DLGAP1: variants seen among roughly 807,000 people sequenced by gnomAD.
The protein encoded by DLGAP1 is DLG associated protein 1, also known as disks large-associated protein 1.
DLGAP1 carries 11 observed loss-of-function variants against 90.8 expected under a neutral mutation model. The ratio of observed to expected loss-of-function variants is 0.12; its 90% CI spans 0.08 to 0.20. The LOEUF is 0.20. Ranked by LOEUF, DLGAP1 falls within the 10% of genes least tolerant of loss-of-function variation. The probability of loss-of-function intolerance (pLI) is 1.00; values close to 1 mark genes in which losing one functional copy is unlikely to be tolerated. For missense variants in DLGAP1, 1,050 were observed against 1,333.8 expected (o/e 0.79, Z 3.31); for synonymous variants, 558 against 540.7 (o/e 1.03, Z -0.44).
At chr18:3,812,329 G>A (rs1307180901) in intron 5 of DLGAP1, among the ~76,000 whole-genome samples, 1 of 151,652 alleles carries the variant, frequency 6.6e-6, no homozygotes, top group East Asian at 1.9e-4. Context: ...TGCTAGGCGC[G>A]CCAAAGTGCA....
intron 2 of DLGAP1, among the ~76,000 whole-genome samples, chr18:4,132,374 TATTA>T (rs1285816716): frequency 6.6e-6 from 1 of 152,142 alleles, no homozygotes; most frequent in Non-Finnish European, 1.5e-5. Flanking sequence ...ATAAAACGCT[TATTA>T]ATTGAGTGAA....
At chr18:4,264,096 A>G (rs957209100) in intron 1 of DLGAP1, among the ~76,000 whole-genome samples, 2 of 152,244 alleles carry the variant, frequency 1.3e-5, no homozygotes, top group Non-Finnish European at 2.9e-5. Flanking sequence ...AAAATCAATT[A>G]TAAAATGGAA....
chr18:3,983,863 C>T (rs953998256), intron 3 of DLGAP1: 4 of 152,156 alleles, frequency 2.6e-5, no homozygotes, highest in Non-Finnish European at 2.9e-5. Flanking sequence ...TAGGCAAGTT[C>T]TTAGACAACA....
At chr18:3,551,709 TCCCTC>T (rs2053463405) in intron 9 of DLGAP1, among the ~76,000 whole-genome samples, 1 of 27,314 alleles carries the variant, frequency 3.7e-5, no homozygotes, top group African/African-American at 2.0e-4. Context: ...CCTCCCTCCC[TCCCTC>T]CCTCCCTCCC....
intron 1 of DLGAP1, among the ~76,000 whole-genome samples, chr18:4,220,484 G>A (rs187550502): frequency 1.3e-5 from 2 of 152,232 alleles, no homozygotes; most frequent in East Asian, 1.9e-4. Context: ...GGTGGATGGC[G>A]ACACTGTAAA....
chr18:4,241,566 T>C (rs1568467316), intron 1 of DLGAP1, among the ~76,000 whole-genome samples: 1 of 152,186 alleles, frequency 6.6e-6, no homozygotes. Flanking sequence ...AGAGCACTTA[T>C]TACAAAGAGA....
chr18:4,162,975 T>C (rs1159706698), intron 1 of DLGAP1, among the ~76,000 whole-genome samples: 1 of 152,184 alleles, frequency 6.6e-6, no homozygotes, highest in Non-Finnish European at 1.5e-5. Flanking sequence ...CTCTTTGTTG[T>C]CTTCCATGAT....
intron 1 of DLGAP1, among the ~76,000 whole-genome samples, chr18:4,320,384 T>C (rs2080651071): frequency 6.6e-6 from 1 of 152,218 alleles, no homozygotes; most frequent in Non-Finnish European, 1.5e-5. Context: ...TAAATATATT[T>C]ATTTTTTATT....
chr18:3,677,657 C>G, intron 7 of DLGAP1, among the ~76,000 whole-genome samples: 1 of 151,910 alleles, frequency 6.6e-6, no homozygotes, highest in African/African-American at 2.4e-5. Context: ...CTCTCTTTTT[C>G]TTTTTTCTTT....
At chr18:3,803,157 G>A (rs2148344606) in intron 5 of DLGAP1, among the ~76,000 whole-genome samples, 1 of 152,240 alleles carries the variant, frequency 6.6e-6, no homozygotes, top group South Asian at 2.1e-4. Flanking sequence ...GAGTTGGGAA[G>A]AGATGTCCAC....
rs2076582475 is a variant in DLGAP1 at position 4,146,164 on chromosome 18, T to A, written c.-159+5016A>T. Among the ~76,000 whole-genome samples, 4 of 152,340 alleles carry A rather than the reference T, an allele frequency of 2.6e-5. No homozygotes were observed. In the South Asian group the frequency reaches 8.3e-4, roughly 32 times the overall value. ...CTCCAAAACCGTGGTGGGATTCTGGTCAGCTTCTAGCTATGTATGTTCAGC... is the reference window on the plus strand; with the variant it reads ...CTCCAAAACCGTGGTGGGATTCTGGACAGCTTCTAGCTATGTATGTTCAGC... On this transcript the variant is annotated intron_variant, in intron 2 of 12. Coordinates refer to ENST00000315677, the MANE Select transcript of DLGAP1 (RefSeq NM_004746.4).
intron 9 of DLGAP1, among the ~76,000 whole-genome samples, chr18:3,548,730 A>C (rs2053205109): frequency 6.6e-6 from 1 of 152,168 alleles, no homozygotes; most frequent in African/African-American, 2.4e-5. Flanking sequence ...GTCCATATTC[A>C]TGACTTCTAC....
intron 8 of DLGAP1, among the ~76,000 whole-genome samples, chr18:3,572,836 T>C (rs191137601): frequency 6.6e-6 from 1 of 152,338 alleles, no homozygotes; most frequent in African/African-American, 2.4e-5. Flanking sequence ...GTTTTTACTA[T>C]CTATCTGATA....
chr18:4,292,268 T>C (rs2079868160), intron 1 of DLGAP1, among the ~76,000 whole-genome samples: 2 of 152,146 alleles, frequency 1.3e-5, no homozygotes, highest in Admixed American at 6.5e-5. Context: ...ACTTTATCAT[T>C]GTTTAATTTT....
chr18:3,928,344 A>G (rs1486808023), intron 3 of DLGAP1, among the ~76,000 whole-genome samples: 2 of 152,224 alleles, frequency 1.3e-5, no homozygotes, highest in South Asian at 2.1e-4. Context: ...GCATTTGAAC[A>G]TAGAGACATA....
At chr18:4,204,172 A>G (rs936950398) in intron 1 of DLGAP1, among the ~76,000 whole-genome samples, 17 of 152,236 alleles carry the variant, frequency 1.1e-4, no homozygotes, top group African/African-American at 4.1e-4. Context: ...CTGTCTGTAC[A>G]TAATAGTGTC....
At chr18:4,049,912 GTCCA>G (rs57986910) in intron 2 of DLGAP1, among the ~76,000 whole-genome samples, 48,525 of 148,600 alleles carry the variant, frequency 0.33, 8,418 homozygotes, top group East Asian at 0.44. Flanking sequence ...CCATCCAACG[GTCCA>G]TCCATCCATC....
chr18:3,937,961 T>TA (rs1235298402), intron 3 of DLGAP1, among the ~76,000 whole-genome samples: 3 of 152,202 alleles, frequency 2.0e-5, no homozygotes. Flanking sequence ...AGGCCATACT[T>TA]ACAGGGCTGT....
intron 1 of DLGAP1, among the ~76,000 whole-genome samples, chr18:4,206,445 C>T (rs559471547): frequency 2.2e-4 from 33 of 152,184 alleles, no homozygotes; most frequent in South Asian, 1.0e-3. Flanking sequence ...CTGAGGGCAC[C>T]GGGAAGTGGC....
Sources: allele counts gnomAD v4.1 joint callset (sites outside exome capture counted in the v4.1 genomes callset), GRCh38; gene constraint gnomAD v4.1.1; transcripts MANE v1.5; gene names NCBI Gene and HGNC (gene_info 2026-07-23, HGNC 2026-07-21).